The following PIK3AP1 variants were observed in gnomAD, a reference collection of about 807,000 sequenced individuals.
PIK3AP1 encodes the protein phosphoinositide 3-kinase adapter protein 1.
Under a neutral mutation model 88.1 loss-of-function variants are expected in PIK3AP1, and 21 were observed. The observed-to-expected ratio is 0.24, with a 90% CI of 0.17 to 0.34. The LOEUF (loss-of-function observed/expected upper bound fraction) is 0.34, where lower values mean the gene tolerates loss of function less well. Among genes scored for constraint, PIK3AP1 ranks in the 10% least tolerant of loss-of-function variants. The pLI is 1.00. For missense variants in PIK3AP1, 828 were observed against 1,035.7 expected, an observed-to-expected ratio of 0.80 and a Z score of 2.75; for synonymous variants, 398 against 400.0, an observed-to-expected ratio of 1.00 and a Z score of 0.06.
chr10:96,697,931 C>T (rs1371563167), intron 2 of PIK3AP1, among the ~76,000 whole-genome samples: 1 of 152,218 alleles, frequency 6.6e-6, no homozygotes, highest in Non-Finnish European at 1.5e-5. Context: ...TCACATTATA[C>T]TATACACATT....
In PIK3AP1 at chr10:96,620,446, T is replaced by C. The variant is rs1218593831; in HGVS notation, c.1847A>G (p.Lys616Arg). ...RQLITLQEQV[K>R]LGIVNVDEAV... ...CTCATCCACGTTGACAATGCCCAGC[T>C]TCACCTGCTCCTGGAGGGTGATAAG... is the stretch of plus-strand genomic sequence containing the variant. The change falls in exon 12 of 17, where the codon AAG becomes AGG. Residue 616 changes from lysine to arginine, a missense_variant. Lys to Arg is a conservative substitution (Grantham distance 26). This residue lies in a region of PIK3AP1 where 27 missense variants were observed against 67.1 expected (regional missense o/e 0.40). Transcript: ENST00000339364. 3.1e-6 allele frequency: 5 copies of C among 1,614,180 alleles called. No individual in the cohort carries two copies. Among genetic ancestry groups the C allele is most frequent in the Non-Finnish European group, 4.2e-6 (5 of 1,180,018 alleles).
chr10:96,628,641 A>G (rs1843185872), intron 8 of PIK3AP1, 148 bp from the exon 9 acceptor site: 1 of 694,676 alleles, frequency 1.4e-6, no homozygotes, highest in Non-Finnish European at 2.5e-6. Context: ...CCACCTACTC[A>G]AGGACACCCA....
At chr10:96,632,631 C>T (rs1843259881) in intron 8 of PIK3AP1, among the ~76,000 whole-genome samples, 1 of 152,100 alleles carries the variant, frequency 6.6e-6, no homozygotes, top group Admixed American at 6.5e-5. Context: ...TACAGTCACA[C>T]CTTAACTGGT....
intron 2 of PIK3AP1, among the ~76,000 whole-genome samples, chr10:96,677,413 C>T (rs907095841): frequency 6.6e-6 from 1 of 152,124 alleles, no homozygotes; most frequent in Non-Finnish European, 1.5e-5. Flanking sequence ...AAAAACCCAC[C>T]ATTCACCACT....
chr10:96,702,379 G>A (rs890239017), intron 2 of PIK3AP1, among the ~76,000 whole-genome samples: 3 of 151,702 alleles, frequency 2.0e-5, no homozygotes, highest in Non-Finnish European at 2.9e-5. Flanking sequence ...CGTGCCTGTA[G>A]TCCCAGCTAC....
intron 2 of PIK3AP1, among the ~76,000 whole-genome samples, chr10:96,669,270 C>T (rs909262739): frequency 1.8e-4 from 28 of 152,182 alleles, no homozygotes; most frequent in African/African-American, 6.8e-4. Flanking sequence ...CCTACCTAAG[C>T]CACAGTGATG....
At chr10:96,707,362 G>A (rs573709048) in intron 2 of PIK3AP1, among the ~76,000 whole-genome samples, 5 of 152,154 alleles carry the variant, frequency 3.3e-5, no homozygotes, top group African/African-American at 7.2e-5. Context: ...GCACAATTTC[G>A]GCTCACTGCA....
chr10:96,597,351 CCTCCCTCT>C (rs1439769616), intron 16 of PIK3AP1, among the ~76,000 whole-genome samples: 712 of 19,508 alleles, frequency 0.036, 35 homozygotes, highest in African/African-American at 0.095. Flanking sequence ...TCCCTCCCTC[CCTCCCTCT>C]CTCTCTCTCT....
At chr10:96,713,230 G>A (rs1049106959) in intron 1 of PIK3AP1, among the ~76,000 whole-genome samples, 1 of 151,910 alleles carries the variant, frequency 6.6e-6, no homozygotes, top group Non-Finnish European at 1.5e-5. Flanking sequence ...AGGCGCGGTG[G>A]GTCACACCTG....
At chr10:96,653,419 A>AAACAC (rs1554958498) in intron 3 of PIK3AP1, among the ~76,000 whole-genome samples, 2 of 149,014 alleles carry the variant, frequency 1.3e-5, no homozygotes, top group Non-Finnish European at 3.0e-5. Context: ...AAAAAAAAAA[A>AAACAC]ACACACACAC....
chr10:96,601,382 G>C lies in PIK3AP1; in HGVS notation c.2360+898C>G, dbSNP rs1052852319. Among the ~76,000 whole-genome samples, 3 of 140,924 alleles carry C rather than the reference G, an allele frequency of 2.1e-5. No homozygotes were observed. The Admixed American group carries it at 2.4e-4, about 11-fold the overall frequency. 92.5% of individuals were successfully genotyped at this position (140,924 alleles called of 152,430 possible). On this transcript the variant is annotated intron_variant, in intron 16 of 16. Transcript: ENST00000339364. Reference sequence around the variant, plus strand: ...CCAGCTACTCGGAAGGCTGAGGCAGGAGAATCACTTGAACCCAGGAGGCGG... The same window carrying C: ...CCAGCTACTCGGAAGGCTGAGGCAGCAGAATCACTTGAACCCAGGAGGCGG...
intron 8 of PIK3AP1, among the ~76,000 whole-genome samples, chr10:96,628,873 C>CATATGTAT (rs1564961127): frequency 8.9e-5 from 2 of 22,532 alleles, no homozygotes; most frequent in Non-Finnish European, 4.0e-4. Flanking sequence ...CACATATATA[C>CATATGTAT]ACATATATAT....
At chr10:96,701,626 G>A (rs1436184) in intron 2 of PIK3AP1, among the ~76,000 whole-genome samples, 75,415 of 151,944 alleles carry the variant, frequency 0.5, 18,845 homozygotes, top group Middle Eastern at 0.65. Context: ...AAATGTAAAC[G>A]ACAGACTGAA....
At chr10:96,631,195 C>T (rs1238085891) in intron 8 of PIK3AP1, among the ~76,000 whole-genome samples, 3 of 152,198 alleles carry the variant, frequency 2.0e-5, no homozygotes. Flanking sequence ...TCTCAGGCCC[C>T]AGCATCTCCA....
intron 13 of PIK3AP1, among the ~76,000 whole-genome samples, chr10:96,615,834 CAGGCAGCTGA>C (rs1040853363): frequency 8.5e-5 from 13 of 152,188 alleles, no homozygotes; most frequent in African/African-American, 3.1e-4. Flanking sequence ...CATGGGAAGT[CAGGCAGCTGA>C]TGGCAGCTGG....
rs59631566 is a variant in PIK3AP1 at position 96,687,255 on chromosome 10, CAAAAAAAAAAAAAA to C, written c.430+22298_430+22311del. 1.2e-3 allele frequency among the ~76,000 whole-genome samples: 69 copies of C among 55,332 alleles called. No individual in the cohort carries two copies. The East Asian group carries it at 0.021, about 17-fold the overall frequency. The allele number at this position is 55,332 out of a possible 152,430, so 36.3% of individuals were successfully genotyped here. ...TGGGCAAAAGAGCGATACTCCATCT[CAAAAAAAAAAAAAA>C]AAAAAAAAAAAAAAAAGAAAAAAGA... is the stretch of plus-strand genomic sequence containing the variant. On this transcript the variant is annotated intron_variant, in intron 2 of 16. Transcript: ENST00000339364.
chr10:96,717,269 A>C (rs1367097340), intron 1 of PIK3AP1, among the ~76,000 whole-genome samples: 1 of 151,788 alleles, frequency 6.6e-6, no homozygotes, highest in Non-Finnish European at 1.5e-5. Context: ...AAAAAAAAAA[A>C]AAAAAAACTC....
At position 96,703,027 on chromosome 10, in the gene PIK3AP1, C is replaced by T. The variant is rs148405444; in HGVS notation, c.430+6540G>A. On this transcript the variant is annotated intron_variant, in intron 2 of 16. Coordinates refer to ENST00000339364, the MANE Select transcript of PIK3AP1 (RefSeq NM_152309.3). ...CGGTAGCTGGGATCACAGGCACATG[C>T]CACCACGTCCAGCTAATTTTTGTAT... Among the ~76,000 whole-genome samples, 17 of 152,238 alleles carry T rather than the reference C, an allele frequency of 1.1e-4. No homozygotes were observed. In the East Asian group the frequency reaches 3.3e-3, roughly 29 times the overall value.
intron 2 of PIK3AP1, among the ~76,000 whole-genome samples, chr10:96,703,546 CCA>C (rs952560151): frequency 3.9e-5 from 6 of 152,132 alleles, no homozygotes; most frequent in African/African-American, 1.4e-4. Flanking sequence ...GAGTCCTTTC[CCA>C]CACAGTCTAA....
Sources: allele counts gnomAD v4.1 joint callset (sites outside exome capture counted in the v4.1 genomes callset), GRCh38; gene constraint gnomAD v4.1.1; regional missense constraint gnomAD v4.1.1; transcripts MANE v1.5; gene names NCBI Gene and HGNC (gene_info 2026-07-23, HGNC 2026-07-21).